Variants in POLR2M observed in about 807,000 individuals in gnomAD.
The protein encoded by POLR2M is RNA polymerase II subunit M, also known as protein GRINL1A.
In POLR2M, 30 loss-of-function variants were observed where a neutral mutation model predicts 34.6. That is an observed-to-expected ratio of 0.87 (90% CI 0.65 to 1.18). The LOEUF is 1.18. POLR2M is among the 50% of genes most tolerant of loss of function. The pLI, the probability that POLR2M is intolerant of heterozygous loss-of-function variation, is 0.00. For missense variants in POLR2M, 432 were observed against 448.7 expected (o/e 0.96, Z 0.34); for synonymous variants, 150 against 166.7 (o/e 0.90, Z 0.77).
intron 1 of POLR2M, chr15:57,707,675 CA>C (rs1162987815): frequency 2.7e-6 from 1 of 371,506 alleles, no homozygotes; most frequent in Non-Finnish European, 5.3e-6. Context: ...AGACCACTAG[CA>C]AAAATAGGAA....
intron 3 of POLR2M, among the ~76,000 whole-genome samples, chr15:57,712,585 G>A (rs2040775863): frequency 6.6e-6 from 1 of 152,190 alleles, no homozygotes; most frequent in African/African-American, 2.4e-5. Flanking sequence ...GGAGAATGTA[G>A]TTCCCAGGCT....
At chr15:57,709,856 T>G (rs1251720638) in intron 2 of POLR2M, among the ~76,000 whole-genome samples, 1 of 152,166 alleles carries the variant, frequency 6.6e-6, no homozygotes, top group African/African-American at 2.4e-5. Flanking sequence ...AAGTGTACTC[T>G]CTTTGATTAG....
At position 57,709,104 on chromosome 15, in the gene POLR2M, T is replaced by C; in HGVS notation, c.504T>C (p.Ala168=). Residue 168 remains alanine, a synonymous_variant, in exon 2 of 4, where the codon GCT becomes GCC. Coordinates refer to ENST00000299638, the MANE Select transcript of POLR2M (RefSeq NM_015532.5). ...NRDRVPPSSE[A]SEHHPRHRVS... ...ACAGGGTACCACCTTCATCTGAAGC[T>C]AGTGAGCATCACCCGCGGCATCGTG... 6.2e-7 allele frequency: 1 copy of C among 1,614,144 alleles called. No individual in the cohort carries two copies. Among genetic ancestry groups the C allele is most frequent in the Non-Finnish European group, 8.5e-7 (1 of 1,180,036 alleles).
rs150889913 is a variant in POLR2M at position 57,709,236 on chromosome 15, C to T, written c.636C>T (p.Asn212=). The part of the protein sequence containing the change: ...ADQGEQQSEE[N]ASTKNLTGLS... ...AAGGTGAACAACAGTCAGAAGAAAA[C>T]GCAAGTACTAAGAACTTGACAGGCC... Residue 212 remains asparagine, a synonymous_variant, in exon 2 of 4, where the codon AAC becomes AAT. Coordinates refer to ENST00000299638, the MANE Select transcript of POLR2M (RefSeq NM_015532.5). 2.5e-5 allele frequency: 40 copies of T among 1,614,020 alleles called. No homozygotes were observed. In the East Asian group the frequency reaches 4.7e-4, roughly 19 times the overall value.
At position 57,716,983 on chromosome 15, in the gene POLR2M, G is replaced by T. The variant is rs3865010; in HGVS notation, c.*2304G>T. On this transcript the variant is annotated 3_prime_UTR_variant, in exon 4 of 4. Transcript: ENST00000299638. ...TTGTTTATATACATTAACTAAATCA[G>T]TACAAGTTTGGGGTGAAAAGGAAAT... is the stretch of plus-strand genomic sequence containing the variant. The T allele has an allele frequency of 6.6e-6, 1 of 151,928 alleles. No homozygotes were observed. Among genetic ancestry groups the T allele is most frequent in the Non-Finnish European group, 1.5e-5 (1 of 67,966 alleles). The allele number at this position is 151,928 out of a possible 1,614,324, so 9.4% of individuals were successfully genotyped here.
chr15:57,708,911 C>G lies in POLR2M; in HGVS notation c.311C>G (p.Pro104Arg), dbSNP rs953393173. 2 of 1,613,874 alleles carry G rather than the reference C, an allele frequency of 1.2e-6. No individual in the cohort carries two copies. Among genetic ancestry groups the G allele is most frequent in the African/African-American group, 1.3e-5 (1 of 74,876 alleles). The part of the protein sequence containing the change: ...VGTDKAQNSD[P>R]ILDTSSLVPG... ...ACAGATAAGGCCCAGAATTCTGACC[C>G]GATACTTGATACTTCATCACTAGTT... The change falls in exon 2 of 4, where the codon CCG becomes CGG. Residue 104 changes from proline to arginine, a missense_variant. Pro to Arg is a moderately radical substitution (Grantham distance 103). Transcript: ENST00000299638.
chr15:57,707,905 T>G (rs1468556903), intron 1 of POLR2M, among the ~76,000 whole-genome samples: 1 of 152,210 alleles, frequency 6.6e-6, no homozygotes, highest in Non-Finnish European at 1.5e-5. Flanking sequence ...ATGAATGTAG[T>G]GTCAAAAAGA....
chr15:57,709,017 T>C lies in POLR2M; in HGVS notation c.417T>C (p.Gly139=), dbSNP rs775270428. 4 of 1,613,928 alleles carry C rather than the reference T, an allele frequency of 2.5e-6. No homozygotes were observed. The South Asian group carries it at 3.3e-5, about 13-fold the overall frequency. ...NQGLGRPTLE[G]DEETSEVEYT... is the part of the protein sequence containing the mutation. The stretch of plus-strand genomic sequence containing the variant: ...GACTTGGACGTCCTACTCTTGAAGG[T>C]GATGAAGAGACTTCAGAGGTTGAGT... Residue 139 remains glycine (G), a synonymous_variant, in exon 2 of 4, where the codon GGT becomes GGC. Transcript: ENST00000299638.
In POLR2M at chr15:57,715,917, C is replaced by T. The variant is rs138756399; in HGVS notation, c.*1238C>T. 1.3e-5 allele frequency: 2 copies of T among 152,258 alleles called. No homozygotes were observed. Among genetic ancestry groups the T allele is most frequent in the South Asian group, 2.1e-4 (1 of 4,836 alleles). The allele number at this position is 152,258 out of a possible 1,614,324, so 9.4% of individuals were successfully genotyped here. A position where few individuals can be genotyped will look rare whatever the true frequency, so the allele number is the denominator to read the frequency against. ...GTGTAATTATTGCTTTCATTCCTTA[C>T]CCCCCTCAAGCAAATGTGAAAAGTA... On this transcript the variant is annotated 3_prime_UTR_variant, in exon 4 of 4. Transcript: ENST00000299638.
In POLR2M at chr15:57,716,267, T is replaced by C. The variant is rs2140848419; in HGVS notation, c.*1588T>C. Reference sequence around the variant, plus strand: ...TTGCTTTTTAGACAGCTGTAGGATATTTTATTTCATGGGTATACCATAACT... The same window carrying C: ...TTGCTTTTTAGACAGCTGTAGGATACTTTATTTCATGGGTATACCATAACT... On this transcript the variant is annotated 3_prime_UTR_variant, in exon 4 of 4. Transcript: ENST00000299638. 6.6e-6 allele frequency: 1 copy of C among 152,388 alleles called. No homozygotes were observed. Among genetic ancestry groups the C allele is most frequent in the South Asian group, 2.1e-4 (1 of 4,832 alleles). The allele number at this position is 152,388 out of a possible 1,614,324, so 9.4% of individuals were successfully genotyped here. A position where few individuals can be genotyped will look rare whatever the true frequency, so the allele number is the denominator to read the frequency against.
At chr15:57,712,818 A>G (rs1416467243) in intron 3 of POLR2M, among the ~76,000 whole-genome samples, 1 of 152,178 alleles carries the variant, frequency 6.6e-6, no homozygotes, top group Admixed American at 6.5e-5. Context: ...ATACAGAATA[A>G]TGGGATGGGA....
intron 1 of POLR2M, 169 bp downstream of exon 1, chr15:57,707,124 G>T: frequency 6.5e-7 from 1 of 1,541,098 alleles, no homozygotes; most frequent in Non-Finnish European, 8.8e-7. Context: ...CGGCAGAGCC[G>T]TGCCTCTTCC....
In POLR2M at chr15:57,709,153, TC is replaced by T. The variant is rs771874354; in HGVS notation, c.555del (p.Ser186AlafsTer33). 1 of 1,614,188 alleles carries T rather than the reference TC, an allele frequency of 6.2e-7. No homozygotes were observed. Among genetic ancestry groups the T allele is most frequent in the East Asian group, 2.2e-5 (1 of 44,890 alleles). On this transcript the variant is annotated frameshift_variant, in exon 2 of 4. Coordinates refer to ENST00000299638, the MANE Select transcript of POLR2M (RefSeq NM_015532.5). LOFTEE classifies it high-confidence loss of function. Reference sequence around the variant, plus strand: ...TGTTTCAAGTCAAGCGGAAGATACTTCCAGCAGCTTTGACAACCTGTTTATT... The same window carrying T: ...TGTTTCAAGTCAAGCGGAAGATACTTCAGCAGCTTTGACAACCTGTTTATT... The part of the protein sequence containing the change: ...HRVSSQAEDT[S>X]SSFDNLFIDR...
At position 57,715,920 on chromosome 15, in the gene POLR2M, C is replaced by G. The variant is rs558824574; in HGVS notation, c.*1241C>G. The G allele has an allele frequency of 4.6e-5, 7 of 152,384 alleles. No individual in the cohort carries two copies. The East Asian group carries it at 7.7e-4, about 17-fold the overall frequency. The allele number at this position is 152,384 out of a possible 1,614,324, so 9.4% of individuals were successfully genotyped here. A position where few individuals can be genotyped will look rare whatever the true frequency, so the allele number is the denominator to read the frequency against. On this transcript the variant is annotated 3_prime_UTR_variant, in exon 4 of 4. Transcript: ENST00000299638. The stretch of plus-strand genomic sequence containing the variant: ...TAATTATTGCTTTCATTCCTTACCC[C>G]CCTCAAGCAAATGTGAAAAGTATAC...
intron 2 of POLR2M, 57 bp from the exon 3 acceptor site, chr15:57,711,927 A>C (rs1369962718): frequency 6.3e-7 from 1 of 1,591,860 alleles, no homozygotes; most frequent in East Asian, 2.2e-5. Context: ...TGAATGTTTT[A>C]AATGTGTCTA....
rs146972111 is a variant in POLR2M, at chr15:57,711,131, C to T, written c.759-853C>T. 3.9e-5 allele frequency among the ~76,000 whole-genome samples: 6 copies of T among 152,258 alleles called. No individual in the cohort carries two copies. The East Asian group carries it at 1.2e-3, about 29-fold the overall frequency. On this transcript the variant is annotated intron_variant, in intron 2 of 3. Transcript: ENST00000299638. ...TGATTTCCATATTCCCTAATAGTGCCACCACCTTCTCGGTTTTCTTCCCCT... is the reference window on the plus strand; with the variant it reads ...TGATTTCCATATTCCCTAATAGTGCTACCACCTTCTCGGTTTTCTTCCCCT...
At position 57,709,265 on chromosome 15, in the gene POLR2M, C is replaced by G. The variant is rs1567266739; in HGVS notation, c.665C>G (p.Ser222Cys). Residue 222 changes from serine to cysteine, a missense_variant, in exon 2 of 4, where the codon TCC (serine) becomes TGC (cysteine). Coordinates refer to ENST00000299638, the MANE Select transcript of POLR2M (RefSeq NM_015532.5). The stretch of plus-strand genomic sequence containing the variant: ...AGTACTAAGAACTTGACAGGCCTTT[C>G]CAGTGGGACTGAGAAGAAACCTCAT... ...NASTKNLTGL[S>C]SGTEKKPHYM... The G allele has an allele frequency of 6.2e-7, 1 of 1,614,188 alleles. No homozygotes were observed. Among genetic ancestry groups the G allele is most frequent in the Non-Finnish European group, 8.5e-7 (1 of 1,180,024 alleles).
At chr15:57,710,566 C>T (rs1375218117) in intron 2 of POLR2M, among the ~76,000 whole-genome samples, 2 of 152,228 alleles carry the variant, frequency 1.3e-5, no homozygotes, top group African/African-American at 4.8e-5. Flanking sequence ...CAAGTACTCT[C>T]TTGTGTACAG....
chr15:57,713,211 A>G (rs1595988008), intron 3 of POLR2M, among the ~76,000 whole-genome samples: 1 of 151,664 alleles, frequency 6.6e-6, no homozygotes, highest in Non-Finnish European at 1.5e-5. Flanking sequence ...AAAAAAAACA[A>G]CAAAACAGGC....
Sources: gnomAD v4.1 joint callset for allele counts (sites outside exome capture counted in the v4.1 genomes callset) on GRCh38, gnomAD v4.1.1 for gene constraint, MANE v1.5 for transcripts, NCBI Gene and HGNC (gene_info 2026-07-23, HGNC 2026-07-21) for gene names.